Variants in PHACTR2 observed in about 807,000 individuals in gnomAD.
PHACTR2 encodes the protein chromosome 6 open reading frame 56.
In PHACTR2, 30 loss-of-function variants were observed where a neutral mutation model predicts 76.0. That is an observed-to-expected ratio of 0.39 (90% CI 0.30 to 0.54). PHACTR2 has a LOEUF of 0.54. PHACTR2 is among the 20% of genes least tolerant of loss of function. The pLI, the probability that PHACTR2 is intolerant of heterozygous loss-of-function variation, is 0.61. For synonymous variants in PHACTR2, 292 were observed against 292.5 expected (o/e 1.00, Z 0.02); for missense variants, 696 against 781.1 (o/e 0.89, Z 1.30).
At chr6:143,604,886 C>T (rs1228394548), upstream of PHACTR2, among the ~76,000 whole-genome samples, 6 of 117,726 alleles carry the variant, frequency 5.1e-5, no homozygotes, top group East Asian at 8.7e-4. Context: ...AGCAAGACTC[C>T]GTCTCAAAAA....
At chr6:143,715,644 A>G (rs998613803) in intron 2 of PHACTR2, among the ~76,000 whole-genome samples, 1 of 152,218 alleles carries the variant, frequency 6.6e-6, no homozygotes, top group Non-Finnish European at 1.5e-5. Flanking sequence ...CAGGTAGGGT[A>G]CTAATAAATG....
At chr6:143,771,146 A>ATATATATATATGTATATATATATATATG (rs1486641579) in intron 6 of PHACTR2, among the ~76,000 whole-genome samples, 1 of 37,834 alleles carries the variant, frequency 2.6e-5, no homozygotes, top group Non-Finnish European at 4.6e-5. Flanking sequence ...ATATATATGT[A>ATATATATATATGTATATATATATATATG]TATATATATA....
rs1328513603 is a variant in PHACTR2 at position 143,671,756 on chromosome 6, T to C, written c.14-40260T>C. ...AGTTATTATTAATATAGAACTAGCATATATGTAACACAATATAGACCCAAA... is the reference window on the plus strand; with the variant it reads ...AGTTATTATTAATATAGAACTAGCACATATGTAACACAATATAGACCCAAA... On this transcript the variant is annotated intron_variant, in intron 1 of 11. Coordinates refer to the PHACTR2 transcript ENST00000305766. The surrounding 1 kb of genome is among the most constrained non-coding windows in gnomAD (Gnocchi z 4.6). 6.6e-6 allele frequency among the ~76,000 whole-genome samples: 1 copy of C among 152,224 alleles called. No homozygotes were observed. The highest frequency in any genetic ancestry group is 1.5e-5 in the Non-Finnish European group (1 of 68,042).
At position 143,807,253 on chromosome 6, in the gene PHACTR2, A is replaced by G; in HGVS notation, c.1922+120A>G. 2 of 624,262 alleles carry G rather than the reference A, an allele frequency of 3.2e-6. No individual in the cohort carries two copies. The highest frequency in any genetic ancestry group is 5.7e-6 in the Non-Finnish European group (2 of 350,382). The allele number at this position is 624,262 out of a possible 1,614,324, so 38.7% of individuals were successfully genotyped here. ...TTTATGATAGGTATATTTCATCACA[A>G]TTAAAAAATGTTTTTAAACAGTTTA... is the stretch of plus-strand genomic sequence containing the variant. On this transcript the variant is annotated intron_variant, in intron 12 of 12. Coordinates refer to ENST00000440869, the MANE Select transcript of PHACTR2 (RefSeq NM_001100164.2). The surrounding 1 kb of genome is among the most constrained non-coding windows in gnomAD (Gnocchi z 5.5).
rs1442809953 is a variant in PHACTR2 at position 143,743,885 on chromosome 6, T to C, written c.215-5100T>C. Reference sequence around the variant, plus strand: ...TCGCCAAAGAAAAACACAAGTGACTTGTTGACTACAAGATTTACTCTCACA... The same window carrying C: ...TCGCCAAAGAAAAACACAAGTGACTCGTTGACTACAAGATTTACTCTCACA... On this transcript the variant is annotated intron_variant, in intron 2 of 12. Transcript: ENST00000440869. The surrounding 1 kb of genome is among the most constrained non-coding windows in gnomAD (Gnocchi z 5.0). Among the ~76,000 whole-genome samples the C allele has an allele frequency of 6.6e-6, 1 of 152,222 alleles. No homozygotes were observed. Among genetic ancestry groups the C allele is most frequent in the Admixed American group, 6.5e-5 (1 of 15,286 alleles).
rs1381362804 is a variant in PHACTR2 at position 143,537,242 on chromosome 6, C to T, written c.217+35C>T. 1 of 186,374 alleles carries T rather than the reference C, an allele frequency of 5.4e-6. No individual in the cohort carries two copies. The highest frequency in any genetic ancestry group is 1.1e-5 in the Non-Finnish European group (1 of 91,890). 11.5% of individuals were successfully genotyped at this position (186,374 alleles called of 1,614,324 possible). The stretch of plus-strand genomic sequence containing the variant: ...GCTCGGGGCGCGGGCCGGGGAGGGC[C>T]GGCCGCGGGCAGGTGGCCGCGAGGG... On this transcript the variant is annotated intron_variant, in intron 1 of 11. Coordinates refer to the PHACTR2 transcript ENST00000367584. This position sits in a 1 kb window ranked among gnomAD's most constrained non-coding sequence, Gnocchi z 4.4.
At chr6:143,702,339 C>A (rs1777934430) in intron 1 of PHACTR2, among the ~76,000 whole-genome samples, 1 of 152,064 alleles carries the variant, frequency 6.6e-6, no homozygotes, top group African/African-American at 2.4e-5. Context: ...GATCTCTTGA[C>A]CTTGTGATCT....
intron 1 of PHACTR2, among the ~76,000 whole-genome samples, chr6:143,576,597 C>G (rs1469375617): frequency 6.6e-6 from 1 of 152,074 alleles, no homozygotes; most frequent in African/African-American, 2.4e-5. Flanking sequence ...TGAAGAGGGG[C>G]TGGGAGCGGT....
At chr6:143,810,219 T>A (rs1776147205) in intron 12 of PHACTR2, among the ~76,000 whole-genome samples, 1 of 152,220 alleles carries the variant, frequency 6.6e-6, no homozygotes, top group Non-Finnish European at 1.5e-5. Flanking sequence ...TATTGATGGA[T>A]GTTTATGGAG....
rs1776905766 is a variant in PHACTR2 at position 143,659,286 on chromosome 6, A to T, written c.13+50964A>T. On this transcript the variant is annotated intron_variant, in intron 1 of 11. Transcript: ENST00000305766. This position sits in a 1 kb window ranked among gnomAD's most constrained non-coding sequence, Gnocchi z 5.0. ...CTTTTTTACTTTATAAACTTTAAAA[A>T]TTTTTTAAACTTTTTTACTGTTTTG... Among the ~76,000 whole-genome samples, 2 of 152,188 alleles carry T rather than the reference A, an allele frequency of 1.3e-5. No individual in the cohort carries two copies. Among genetic ancestry groups the T allele is most frequent in the South Asian group, 2.1e-4 (1 of 4,826 alleles).
In PHACTR2 at chr6:143,683,631, A is replaced by G. The variant is rs374496876; in HGVS notation, c.46+5422A>G. 4.9e-4 allele frequency among the ~76,000 whole-genome samples: 74 copies of G among 152,302 alleles called. 1 individual carries two copies. In the East Asian group the frequency reaches 5.2e-3, roughly 11 times the overall value. The stretch of plus-strand genomic sequence containing the variant: ...ATTCATCTGTGTCTCTGGGTTTCCA[A>G]GTTTTGTTCAGGGCCCTGTATTTGT... On this transcript the variant is annotated intron_variant, in intron 1 of 12. Coordinates refer to ENST00000440869, the MANE Select transcript of PHACTR2 (RefSeq NM_001100164.2). The surrounding 1 kb of genome is among the most constrained non-coding windows in gnomAD (Gnocchi z 4.1).
In PHACTR2 at chr6:143,688,177, CT is replaced by C. The variant is rs11356590; in HGVS notation, c.46+9980del. Among the ~76,000 whole-genome samples the C allele has an allele frequency of 0.54, 80,320 of 147,936 alleles. 21,812 individuals carry two copies. The highest frequency in any genetic ancestry group is 0.67 in the South Asian group (3,122 of 4,656). On this transcript the variant is annotated intron_variant, in intron 1 of 12. Coordinates refer to ENST00000440869, the MANE Select transcript of PHACTR2 (RefSeq NM_001100164.2). This position sits in a 1 kb window ranked among gnomAD's most constrained non-coding sequence, Gnocchi z 5.2. The stretch of plus-strand genomic sequence containing the variant: ...CCACAGGCAATGGGAACCACTGACG[CT>C]TTTTTTTTTTTAAATCAAACCAGAG...
At position 143,550,909 on chromosome 6, in the gene PHACTR2, T is replaced by C. The variant is rs1775085997; in HGVS notation, c.217+13702T>C. ...CAAAAATTAGCTGAGTGTGGTGGCA[T>C]GTGTCTGTAGTCCCAGCTACTTGGG... On this transcript the variant is annotated intron_variant, in intron 1 of 11. Transcript: ENST00000367584. The surrounding 1 kb of genome is among the most constrained non-coding windows in gnomAD (Gnocchi z 4.8). Among the ~76,000 whole-genome samples the C allele has an allele frequency of 6.6e-6, 1 of 151,846 alleles. No individual in the cohort carries two copies. Among genetic ancestry groups the C allele is most frequent in the Non-Finnish European group, 1.5e-5 (1 of 67,920 alleles).
Position 143,621,508 on chromosome 6 carries a change from C to A in PHACTR2, c.13+13186C>A, listed in dbSNP as rs995600393. Among the ~76,000 whole-genome samples the A allele has an allele frequency of 7.9e-5, 12 of 152,210 alleles. No individual in the cohort carries two copies. The highest frequency in any genetic ancestry group is 2.4e-4 in the African/African-American group (10 of 41,460). Reference sequence around the variant, plus strand: ...TTTAATTGGTATTTTGCATGAGAATCATTAAATTGCAACTCTTTCTTATAT... The same window carrying A: ...TTTAATTGGTATTTTGCATGAGAATAATTAAATTGCAACTCTTTCTTATAT... On this transcript the variant is annotated intron_variant, in intron 1 of 11. Coordinates refer to the PHACTR2 transcript ENST00000305766. This position sits in a 1 kb window ranked among gnomAD's most constrained non-coding sequence, Gnocchi z 4.1.
intron 2 of PHACTR2, among the ~76,000 whole-genome samples, chr6:143,727,132 C>G (rs772652723): frequency 6.6e-6 from 1 of 152,092 alleles, no homozygotes; most frequent in Non-Finnish European, 1.5e-5. Context: ...CCCAGCCTCT[C>G]GTAACTGTCA....
chr6:143,690,130 G>C (rs918734596), intron 1 of PHACTR2, among the ~76,000 whole-genome samples: 2 of 152,214 alleles, frequency 1.3e-5, no homozygotes, highest in African/African-American at 2.4e-5. Context: ...TCCTACTGGT[G>C]TTTTTGTTAG....
In PHACTR2 at chr6:143,757,958, TGC is replaced by T. The variant is rs143317266; in HGVS notation, c.455-2438_455-2437del. On this transcript the variant is annotated intron_variant, in intron 4 of 12. Coordinates refer to ENST00000440869, the MANE Select transcript of PHACTR2 (RefSeq NM_001100164.2). The surrounding 1 kb of genome is among the most constrained non-coding windows in gnomAD (Gnocchi z 4.2). ...CCCTGCGTGTGTGTGCATGCACACG[TGC>T]GCGCACACACACACACACACACACA... 0.019 allele frequency among the ~76,000 whole-genome samples: 2,679 copies of T among 139,538 alleles called. 22 individuals carry two copies. The highest frequency in any genetic ancestry group is 0.028 in the African/African-American group (1,060 of 38,492). The allele number at this position is 139,538 out of a possible 152,430, so 91.5% of individuals were successfully genotyped here.
chr6:143,638,493 A>G (rs1776504997), intron 1 of PHACTR2, among the ~76,000 whole-genome samples: 1 of 151,440 alleles, frequency 6.6e-6, no homozygotes, highest in Non-Finnish European at 1.5e-5. Flanking sequence ...TGCAGTGACT[A>G]TGATCATACC....
chr6:143,613,796 G>A (rs1396339376), intron 1 of PHACTR2, among the ~76,000 whole-genome samples: 1 of 152,096 alleles, frequency 6.6e-6, no homozygotes, highest in Non-Finnish European at 1.5e-5. Flanking sequence ...TAAATTATAC[G>A]CCATTCCATA....
Sources: gnomAD v4.1 joint callset for allele counts (sites outside exome capture counted in the v4.1 genomes callset) on GRCh38, gnomAD v4.1.1 for gene constraint, Gnocchi (gnomAD v3.1) non-coding constraint, MANE v1.5 for transcripts, NCBI Gene and HGNC (gene_info 2026-07-23, HGNC 2026-07-21) for gene names.